Variants in HIPK2 observed in about 807,000 individuals in gnomAD.
The protein encoded by HIPK2 is homeodomain-interacting protein kinase 2.
A neutral mutation model predicts 113.7 loss-of-function variants in HIPK2; 27 were observed. The ratio of observed to expected loss-of-function variants is 0.24; its 90% confidence interval spans 0.17 to 0.33. HIPK2 has a LOEUF of 0.33. HIPK2 is among the 10% of genes least tolerant of loss of function. The probability of loss-of-function intolerance (pLI) is 1.00; values close to 1 mark genes in which losing one functional copy is unlikely to be tolerated. For synonymous variants in HIPK2, 631 were observed against 642.2 expected, an observed-to-expected ratio of 0.98 and a Z score of 0.26; for missense variants, 1,257 against 1,588.0, an observed-to-expected ratio of 0.79 and a Z score of 3.54.
intron 2 of HIPK2, among the ~76,000 whole-genome samples, chr7:139,693,100 T>C (rs1217243841): frequency 6.6e-6 from 1 of 152,212 alleles, no homozygotes; most frequent in African/African-American, 2.4e-5. Context: ...TGCAAAGCTT[T>C]TGGAGGCAGA....
rs146726022 is a variant in HIPK2, at chr7:139,625,283, G to C, written c.1619+1318C>G. ...ACTTGGTCTTTCAACCTGGTAAACT[G>C]GTTTCTGCTTTTACCACTCCACTGA... On this transcript the variant is annotated intron_variant, in intron 6 of 14. Coordinates refer to ENST00000406875, the MANE Select transcript of HIPK2 (RefSeq NM_022740.5). 7.2e-5 allele frequency among the ~76,000 whole-genome samples: 11 copies of C among 152,270 alleles called. No homozygotes were observed. In the East Asian group the frequency reaches 1.9e-3, roughly 27 times the overall value.
chr7:139,768,535 T>TTTG (rs1039638902), intron 1 of HIPK2, among the ~76,000 whole-genome samples: 1 of 152,090 alleles, frequency 6.6e-6, no homozygotes, highest in Admixed American at 6.5e-5. Flanking sequence ...TCCTGTGATT[T>TTTG]TTGTTGTTGT....
rs771010120 is a variant in HIPK2 at position 139,614,371 on chromosome 7, C to A, written c.1905G>T (p.Met635Ile). Reference protein sequence around the residue: ...ASMAAVAQRSMPLQTGTAQIC... With the variant: ...ASMAAVAQRSIPLQTGTAQIC... Reference sequence around the variant, plus strand: ...TCTGGGCTGTTCCTGTCTGCAGGGGCATGCTCCGCTGGGCCACTGCAGCCA... The same window carrying A: ...TCTGGGCTGTTCCTGTCTGCAGGGGAATGCTCCGCTGGGCCACTGCAGCCA... Residue 635 changes from methionine to isoleucine, a missense_variant, in exon 8 of 15, where the codon ATG becomes ATT. Met to Ile is a conservative substitution (Grantham distance 10). Around this residue, in one of 5 missense-constraint regions of HIPK2, gnomAD observed 862 missense variants for 1,004.3 expected, o/e 0.86. Coordinates refer to ENST00000406875, the MANE Select transcript of HIPK2 (RefSeq NM_022740.5). 2 of 1,585,414 alleles carry A rather than the reference C, an allele frequency of 1.3e-6. No homozygotes were observed. The highest frequency in any genetic ancestry group is 3.5e-5 in the Admixed American group (2 of 57,840).
intron 1 of HIPK2, among the ~76,000 whole-genome samples, chr7:139,752,195 C>A (rs981656027): frequency 7.2e-5 from 11 of 152,270 alleles, no homozygotes; most frequent in African/African-American, 2.4e-4. Flanking sequence ...TTCAAATGGT[C>A]TCCAACCTCC....
At chr7:139,768,106 G>A (rs1046902073) in intron 1 of HIPK2, among the ~76,000 whole-genome samples, 3 of 152,238 alleles carry the variant, frequency 2.0e-5, no homozygotes, top group Non-Finnish European at 2.9e-5. Flanking sequence ...GGGAGTGGTC[G>A]CAGCTTGGAC....
intron 12 of HIPK2, among the ~76,000 whole-genome samples, chr7:139,593,136 A>G (rs1364564282): frequency 6.6e-6 from 1 of 152,244 alleles, no homozygotes; most frequent in Non-Finnish European, 1.5e-5. Flanking sequence ...GACTGAAATC[A>G]GTTATTTTTG....
intron 6 of HIPK2, among the ~76,000 whole-genome samples, chr7:139,625,609 T>TGCCTGCTCATGCCCA (rs1800398825): frequency 6.6e-6 from 1 of 152,198 alleles, no homozygotes; most frequent in Non-Finnish European, 1.5e-5. Context: ...GGCAATGCCC[T>TGCCTGCTCATGCCCA]GCCTGCTCAT....
At chr7:139,699,110 C>T (rs913129947) in intron 2 of HIPK2, among the ~76,000 whole-genome samples, 13 of 151,978 alleles carry the variant, frequency 8.6e-5, no homozygotes, top group Admixed American at 2.6e-4. Context: ...AGCCGGCTGC[C>T]GACGCACAGT....
chr7:139,765,708 C>T (rs1796542343), intron 1 of HIPK2, among the ~76,000 whole-genome samples: 1 of 152,216 alleles, frequency 6.6e-6, no homozygotes, highest in African/African-American at 2.4e-5. Flanking sequence ...GTCCCATTCC[C>T]ATTCAGGTAA....
Position 139,776,589 on chromosome 7 carries a change from A to C in HIPK2, c.19+1016T>G, listed in dbSNP as rs145524431. Among the ~76,000 whole-genome samples the C allele has an allele frequency of 8.2e-4, 120 of 146,966 alleles. 4 individuals carry two copies. In the East Asian group the frequency reaches 0.022, roughly 27 times the overall value. On this transcript the variant is annotated intron_variant, in intron 1 of 14. Coordinates refer to ENST00000406875, the MANE Select transcript of HIPK2 (RefSeq NM_022740.5). ...TCTCATTTGCGATTTCATCCACAGA[A>C]TATCTGAACAAAACCGAAAGAAAGC...
In HIPK2 at chr7:139,575,239, G is replaced by A. The variant is rs892160805; in HGVS notation, c.3015C>T (p.Asn1005=). 39 of 1,579,842 alleles carry A rather than the reference G, an allele frequency of 2.5e-5. No homozygotes were observed. The highest frequency in any genetic ancestry group is 3.2e-5 in the Non-Finnish European group (37 of 1,162,906). The change falls in exon 14 of 15, where the codon AAC becomes AAT. Residue 1005 remains asparagine, a synonymous_variant. Transcript: ENST00000406875. ...SSSYKSKSSS[N]VTSTSGHSSG... The stretch of plus-strand genomic sequence containing the variant: ...AAGAGTGACCGCTGGTGGAGGTCAC[G>A]TTGCTGGAGGACTTGGACTTGTAGG...
chr7:139,595,525 G>C (rs1372648997), intron 12 of HIPK2, among the ~76,000 whole-genome samples: 3 of 152,144 alleles, frequency 2.0e-5, no homozygotes, highest in African/African-American at 4.8e-5. Context: ...TCTGACACCT[G>C]GCACAATGCT....
intron 1 of HIPK2, among the ~76,000 whole-genome samples, chr7:139,720,582 T>C (rs1297124158): frequency 1.3e-5 from 2 of 152,204 alleles, no homozygotes; most frequent in Non-Finnish European, 2.9e-5. Context: ...CCCCTTATTC[T>C]AGAACAACAC....
At chr7:139,653,948 G>A (rs1801562801) in intron 2 of HIPK2, among the ~76,000 whole-genome samples, 1 of 152,050 alleles carries the variant, frequency 6.6e-6, no homozygotes, top group South Asian at 2.1e-4. Flanking sequence ...TGCCAGGCTG[G>A]TCTCAAACTC....
intron 2 of HIPK2, among the ~76,000 whole-genome samples, chr7:139,649,240 C>A (rs1801364907): frequency 6.6e-6 from 1 of 152,090 alleles, no homozygotes; most frequent in Admixed American, 6.5e-5. Flanking sequence ...TCGGTGACCA[C>A]TGCTGCGGCG....
At chr7:139,700,433 T>C (rs1295874783) in intron 2 of HIPK2, among the ~76,000 whole-genome samples, 1 of 152,202 alleles carries the variant, frequency 6.6e-6, no homozygotes, top group African/African-American at 2.4e-5. Context: ...CAAAAAGCCC[T>C]TTCCTGCAAA....
chr7:139,589,132 G>A (rs780833940), intron 12 of HIPK2, among the ~76,000 whole-genome samples: 11 of 152,148 alleles, frequency 7.2e-5, no homozygotes, highest in Non-Finnish European at 1.6e-4. Flanking sequence ...TACTGGTGTG[G>A]CTCTGGACAG....
Position 139,709,209 on chromosome 7 carries a change from C to T in HIPK2, c.1103+6723G>A, listed in dbSNP as rs550810217. 2.9e-4 allele frequency among the ~76,000 whole-genome samples: 44 copies of T among 152,208 alleles called. No homozygotes were observed. The South Asian group carries it at 8.9e-3, about 31-fold the overall frequency. The stretch of plus-strand genomic sequence containing the variant: ...AGTCTCCCTGGGCAAATGAAGTTGT[C>T]GGTGGGTTGAACAGTTCACTTCATA... On this transcript the variant is annotated intron_variant, in intron 2 of 14. Coordinates refer to ENST00000406875, the MANE Select transcript of HIPK2 (RefSeq NM_022740.5).
chr7:139,674,519 G>C (rs1208962081), intron 2 of HIPK2, among the ~76,000 whole-genome samples: 2 of 152,138 alleles, frequency 1.3e-5, no homozygotes, highest in African/African-American at 2.4e-5. Context: ...GGAGAGGGCA[G>C]GAAGAAAGGC....
Sources: gnomAD v4.1 joint callset for allele counts (sites outside exome capture counted in the v4.1 genomes callset) on GRCh38, gnomAD v4.1.1 for gene constraint, gnomAD v4.1.1 regional missense constraint, MANE v1.5 for transcripts, NCBI Gene and HGNC (gene_info 2026-07-23, HGNC 2026-07-21) for gene names.